Variants in CTNNA2 observed in about 807,000 individuals in gnomAD.
CTNNA2 encodes catenin alpha-2.
A neutral mutation model predicts 101.0 loss-of-function variants in CTNNA2; 42 were observed. The observed-to-expected ratio is 0.42, with a 90% CI of 0.32 to 0.54. The LOEUF (loss-of-function observed/expected upper bound fraction) is 0.54, where lower values mean the gene tolerates loss of function less well. CTNNA2 is among the 20% of genes least tolerant of loss of function. The probability of loss-of-function intolerance (pLI) is 0.14; values close to 1 mark genes in which losing one functional copy is unlikely to be tolerated. For missense variants in CTNNA2, 871 were observed against 1,223.1 expected, an observed-to-expected ratio of 0.71 and a Z score of 4.29; for synonymous variants, 450 against 456.4, an observed-to-expected ratio of 0.99 and a Z score of 0.18.
chr2:80,247,478 T>C (rs1671414914), intron 7 of CTNNA2, among the ~76,000 whole-genome samples: 1 of 152,198 alleles, frequency 6.6e-6, no homozygotes, highest in Admixed American at 6.5e-5. Context: ...AACTTGGAAC[T>C]GACTGCTGAC....
rs571126250 is a variant in CTNNA2, at chr2:80,098,989, G to T, written c.1056+189192G>T. On this transcript the variant is annotated intron_variant, in intron 7 of 18. Coordinates refer to ENST00000402739, the MANE Select transcript of CTNNA2 (RefSeq NM_001282597.3). ...AATTCCTCACCCTGCTTCAGCTCAC[G>T]CACGGTGCATTGCACCCACTGTCCT... 9.9e-5 allele frequency among the ~76,000 whole-genome samples: 15 copies of T among 151,854 alleles called. 1 individual carries two copies. Among genetic ancestry groups the T allele is most frequent in the African/African-American group, 3.4e-4 (14 of 41,354 alleles).
intron 7 of CTNNA2, among the ~76,000 whole-genome samples, chr2:79,986,183 A>G (rs1024815193): frequency 1.3e-5 from 2 of 152,218 alleles, no homozygotes; most frequent in Non-Finnish European, 2.9e-5. Flanking sequence ...GCAAATGCCA[A>G]TAGCAGCTTG....
At chr2:79,285,143 T>A (rs1314973604) in intron 2 of CTNNA2, among the ~76,000 whole-genome samples, 1 of 151,706 alleles carries the variant, frequency 6.6e-6, no homozygotes, top group African/African-American at 2.4e-5. Flanking sequence ...TATTTGATTC[T>A]TTTTTTCTTT....
At chr2:80,451,352 C>T (rs1683491320) in intron 9 of CTNNA2, among the ~76,000 whole-genome samples, 1 of 152,100 alleles carries the variant, frequency 6.6e-6, no homozygotes, top group Non-Finnish European at 1.5e-5. Flanking sequence ...CTTGGCACTT[C>T]TCCTTTTTGC....
At chr2:80,638,054 C>A (rs1008055122) in intron 18 of CTNNA2, among the ~76,000 whole-genome samples, 3 of 152,076 alleles carry the variant, frequency 2.0e-5, no homozygotes, top group Admixed American at 6.6e-5. Context: ...GATAATTGTT[C>A]CTCTTACATT....
At chr2:80,250,226 T>TGC (rs1333782255) in intron 7 of CTNNA2, among the ~76,000 whole-genome samples, 27 of 151,630 alleles carry the variant, frequency 1.8e-4, no homozygotes, top group African/African-American at 6.3e-4. Context: ...TGTGTGTGTG[T>TGC]GTGTGTGTCT....
At chr2:80,494,578 T>A (rs1687301092) in intron 9 of CTNNA2, among the ~76,000 whole-genome samples, 1 of 151,448 alleles carries the variant, frequency 6.6e-6, no homozygotes, top group Non-Finnish European at 1.5e-5. Flanking sequence ...AGAAGAGGAG[T>A]TAGGAGTGCT....
intron 1 of CTNNA2, among the ~76,000 whole-genome samples, chr2:79,590,989 C>G (rs1676811153): frequency 6.6e-6 from 1 of 152,126 alleles, no homozygotes. Context: ...TTGTTTTTCT[C>G]TCTCCCTTCT....
At chr2:79,254,996 C>G (rs988945014) in intron 2 of CTNNA2, among the ~76,000 whole-genome samples, 1 of 152,134 alleles carries the variant, frequency 6.6e-6, no homozygotes, top group Non-Finnish European at 1.5e-5. Context: ...CAGAATCACC[C>G]TGGTGGATCT....
chr2:80,328,484 G>A (rs566942303), intron 7 of CTNNA2: 2 of 431,446 alleles, frequency 4.6e-6, no homozygotes, highest in South Asian at 3.5e-5. Context: ...GTCATCTGGA[G>A]CAGCAGGTAG....
At chr2:79,193,843 T>A (rs1673923187) in intron 1 of CTNNA2, among the ~76,000 whole-genome samples, 1 of 152,220 alleles carries the variant, frequency 6.6e-6, no homozygotes, top group African/African-American at 2.4e-5. Context: ...TTTCCTCATT[T>A]GCCACAAGGG....
chr2:80,507,251 A>G (rs1207282839), intron 9 of CTNNA2, among the ~76,000 whole-genome samples: 1 of 152,222 alleles, frequency 6.6e-6, no homozygotes, highest in African/African-American at 2.4e-5. Context: ...CGACGGATGT[A>G]TCTTAACAGC....
chr2:79,369,504 C>T (rs902917431), intron 3 of CTNNA2, among the ~76,000 whole-genome samples: 1 of 152,138 alleles, frequency 6.6e-6, no homozygotes, highest in African/African-American at 2.4e-5. Context: ...GTCTCCGGCC[C>T]ATTGTGGACA....
chr2:79,717,488 A>G (rs1686183098), intron 2 of CTNNA2, among the ~76,000 whole-genome samples: 1 of 152,172 alleles, frequency 6.6e-6, no homozygotes, highest in Non-Finnish European at 1.5e-5. Flanking sequence ...ATGCTAGGCC[A>G]GGGAGGAGGC....
At chr2:79,719,546 C>G (rs1221455312) in intron 2 of CTNNA2, among the ~76,000 whole-genome samples, 1 of 152,162 alleles carries the variant, frequency 6.6e-6, no homozygotes, top group Non-Finnish European at 1.5e-5. Context: ...TATCCGCAGC[C>G]TCACCAGTTT....
intron 7 of CTNNA2, among the ~76,000 whole-genome samples, chr2:80,134,779 G>A (rs746308505): frequency 4.6e-5 from 7 of 152,116 alleles, no homozygotes; most frequent in Non-Finnish European, 8.8e-5. Flanking sequence ...TTTCTTCCCC[G>A]AAAGAGTTTA....
At chr2:79,896,670 C>T (rs529150715) in intron 6 of CTNNA2, among the ~76,000 whole-genome samples, 22 of 152,214 alleles carry the variant, frequency 1.4e-4, no homozygotes, top group Non-Finnish European at 2.9e-4. Context: ...TGCACACAGG[C>T]GCACTGCTGC....
chr2:79,926,720 T>C (rs2104402110), intron 7 of CTNNA2, among the ~76,000 whole-genome samples: 1 of 152,032 alleles, frequency 6.6e-6, no homozygotes, highest in South Asian at 2.1e-4. Flanking sequence ...AAATTTAGAA[T>C]TGAACATCTA....
chr2:80,037,000 C>A (rs192738749), intron 7 of CTNNA2, among the ~76,000 whole-genome samples: 1 of 152,006 alleles, frequency 6.6e-6, no homozygotes, highest in Admixed American at 6.6e-5. Flanking sequence ...TGGAAAGTTT[C>A]GTTGTAGATA....
Sources: allele counts gnomAD v4.1 joint callset (sites outside exome capture counted in the v4.1 genomes callset), GRCh38; gene constraint gnomAD v4.1.1; transcripts MANE v1.5; gene names NCBI Gene and HGNC (gene_info 2026-07-23, HGNC 2026-07-21).